The following HSPA4L variants were observed in gnomAD, a reference collection of about 807,000 sequenced individuals.
HSPA4L encodes the protein heat shock 70 kDa protein 4L.
A neutral mutation model predicts 100.3 loss-of-function variants in HSPA4L; 48 were observed. The observed-to-expected ratio is 0.48, with a 90% CI of 0.38 to 0.61. The LOEUF (loss-of-function observed/expected upper bound fraction) is 0.61. Among genes scored for constraint, HSPA4L ranks in the 20% least tolerant of loss-of-function variants. The probability of loss-of-function intolerance (pLI) is 0.00; values close to 1 mark genes in which losing one functional copy is unlikely to be tolerated. For synonymous variants in HSPA4L, 319 were observed against 328.2 expected (o/e 0.97, Z 0.30); for missense variants, 886 against 988.6 (o/e 0.90, Z 1.39).
intron 12 of HSPA4L, among the ~76,000 whole-genome samples, chr4:127,816,540 G>A (rs1733674500): frequency 6.6e-6 from 1 of 152,118 alleles, no homozygotes; most frequent in Admixed American, 6.5e-5. Flanking sequence ...TGACATTTTA[G>A]TGAACAAACC....
chr4:127,795,398 T>C (rs1363579186), intron 2 of HSPA4L, among the ~76,000 whole-genome samples: 1 of 152,154 alleles, frequency 6.6e-6, no homozygotes, highest in Admixed American at 6.5e-5. Context: ...AGATTTCAGA[T>C]TTTTGGATTT....
chr4:127,808,196 A>G (rs1476223439), intron 11 of HSPA4L, 67 bp downstream of exon 11: 1 of 1,326,556 alleles, frequency 7.5e-7, no homozygotes, highest in Non-Finnish European at 1.0e-6. Context: ...TTTAGAATCA[A>G]GGAAACAAAT....
In HSPA4L at chr4:127,801,458, CGTGTGTGTGTGTGTGT is replaced by C. The variant is rs33966471; in HGVS notation, c.529+250_529+265del. On this transcript the variant is annotated intron_variant, in intron 5 of 18. Transcript: ENST00000296464. ...AAAAAATTTGATATATATAAAAATA[CGTGTGTGTGTGTGTGT>C]GTGTGTGTGTGTGTGTGTGTGTGTG... Among the ~76,000 whole-genome samples, 335 of 144,594 alleles carry C rather than the reference CGTGTGTGTGTGTGTGT, an allele frequency of 2.3e-3. 1 individual carries two copies. The highest frequency in any genetic ancestry group is 0.018 in the Middle Eastern group (5 of 282). The allele number at this position is 144,594 out of a possible 152,430, so 94.9% of individuals were successfully genotyped here. A position where few individuals can be genotyped will look rare whatever the true frequency, so the allele number is the denominator to read the frequency against.
At position 127,836,470 on chromosome 4, in the gene HSPA4L, C is replaced by A. The variant is rs1734215856; in HGVS notation, c.*3596C>A. 1 of 151,528 alleles carries A rather than the reference C, an allele frequency of 6.6e-6. No homozygotes were observed. Among genetic ancestry groups the A allele is most frequent in the Non-Finnish European group, 1.5e-5 (1 of 67,944 alleles). 9.4% of individuals were successfully genotyped at this position (151,528 alleles called of 1,614,324 possible). A position where few individuals can be genotyped will look rare whatever the true frequency, so the allele number is the denominator to read the frequency against. Reference sequence around the variant, plus strand: ...CTTATGCTTTTTTGGGGGGGGGTGTCAATTTTTAGTATATTAAGAGCTAAA... The same window carrying A: ...CTTATGCTTTTTTGGGGGGGGGTGTAAATTTTTAGTATATTAAGAGCTAAA... On this transcript the variant is annotated 3_prime_UTR_variant, in exon 19 of 19. Coordinates refer to ENST00000296464, the MANE Select transcript of HSPA4L (RefSeq NM_014278.4).
intron 12 of HSPA4L, among the ~76,000 whole-genome samples, chr4:127,816,857 T>C (rs953371531): frequency 6.6e-6 from 1 of 152,212 alleles, no homozygotes; most frequent in Non-Finnish European, 1.5e-5. Context: ...CTGTGAAAGA[T>C]ATAAATATAT....
chr4:127,788,024 C>T lies in HSPA4L; in HGVS notation c.107+5367C>T, dbSNP rs139942987. 2.3e-3 allele frequency among the ~76,000 whole-genome samples: 343 copies of T among 152,088 alleles called. 2 individuals are homozygous for T. Among genetic ancestry groups the T allele is most frequent in the African/African-American group, 8.0e-3 (331 of 41,512 alleles). ...CCAAAAGAATTTTAACATTGTTACG[C>T]ATTGATATTTGTGTTTGAACCAAGT... On this transcript the variant is annotated intron_variant, in intron 1 of 18. Coordinates refer to ENST00000296464, the MANE Select transcript of HSPA4L (RefSeq NM_014278.4).
At chr4:127,816,059 A>G (rs1245888583) in intron 12 of HSPA4L, among the ~76,000 whole-genome samples, 1 of 152,196 alleles carries the variant, frequency 6.6e-6, no homozygotes, top group Admixed American at 6.5e-5. Context: ...GCAGGAAAAA[A>G]AATGAAATTG....
intron 17 of HSPA4L, among the ~76,000 whole-genome samples, chr4:127,828,060 T>C (rs974000698): frequency 6.6e-6 from 1 of 152,114 alleles, no homozygotes; most frequent in African/African-American, 2.4e-5. Flanking sequence ...AAACAATATT[T>C]TAGGCTTTGT....
chr4:127,811,446 C>G lies in HSPA4L; in HGVS notation c.1388C>G (p.Thr463Ser), dbSNP rs1467525176. ...TTCTTTTTTCCTTAAGGGAGCTTCACTATTCAGAATGTTTTTCCACAGTCT... is the reference window on the plus strand; with the variant it reads ...TTCTTTTTTCCTTAAGGGAGCTTCAGTATTCAGAATGTTTTTCCACAGTCT... The part of the protein sequence containing the change: ...PYPDARIGSF[T>S]IQNVFPQSDG... Residue 463 changes from threonine to serine, a missense_variant, in exon 12 of 19, where the codon ACT becomes AGT. Physicochemically the swap from Thr to Ser is moderately conservative, Grantham distance 58 (BLOSUM62 1). Coordinates refer to ENST00000296464, the MANE Select transcript of HSPA4L (RefSeq NM_014278.4). 6.2e-7 allele frequency: 1 copy of G among 1,613,604 alleles called. No individual in the cohort carries two copies. Among genetic ancestry groups the G allele is most frequent in the African/African-American group, 1.3e-5 (1 of 74,984 alleles).
rs1256359778 is a variant in HSPA4L, at chr4:127,834,808, C to A, written c.*1934C>A. ...AACTTCCTGGGAGTAAATATGGGAACAACTTTTCTATTAATACATCTAAAT... is the reference window on the plus strand; with the variant it reads ...AACTTCCTGGGAGTAAATATGGGAAAAACTTTTCTATTAATACATCTAAAT... On this transcript the variant is annotated 3_prime_UTR_variant, in exon 19 of 19. Coordinates refer to ENST00000296464, the MANE Select transcript of HSPA4L (RefSeq NM_014278.4). The A allele has an allele frequency of 6.6e-6, 1 of 152,126 alleles. No individual in the cohort carries two copies. The highest frequency in any genetic ancestry group is 2.4e-5 in the African/African-American group (1 of 41,434). 9.4% of individuals were successfully genotyped at this position (152,126 alleles called of 1,614,324 possible). A position where few individuals can be genotyped will look rare whatever the true frequency, so the allele number is the denominator to read the frequency against.
At position 127,783,505 on chromosome 4, in the gene HSPA4L, A is replaced by T. The variant is rs567163172; in HGVS notation, c.107+848A>T. 7.5e-6 allele frequency: 11 copies of T among 1,475,742 alleles called. No homozygotes were observed. The East Asian group carries it at 1.5e-4, about 20-fold the overall frequency. The allele number at this position is 1,475,742 out of a possible 1,614,324, so 91.4% of individuals were successfully genotyped here. ...GGCTTAGGAGGAGCGGCGTTATGTC[A>T]TGGAAACATGTTTCCACATGTTCCG... On this transcript the variant is annotated intron_variant, in intron 1 of 18. Coordinates refer to ENST00000296464, the MANE Select transcript of HSPA4L (RefSeq NM_014278.4).
Position 127,833,344 on chromosome 4 carries a change from A to G in HSPA4L, c.*470A>G, listed in dbSNP as rs1272906782. ...TAGTTATTGTATTGCTACAATTTAA[A>G]TATTAAAACAAATAAGAGCTTTCTC... On this transcript the variant is annotated 3_prime_UTR_variant, in exon 19 of 19. Transcript: ENST00000296464. The G allele has an allele frequency of 6.5e-6, 1 of 152,790 alleles. No individual in the cohort carries two copies. The highest frequency in any genetic ancestry group is 1.5e-5 in the Non-Finnish European group (1 of 68,122). The allele number at this position is 152,790 out of a possible 1,614,324, so 9.5% of individuals were successfully genotyped here.
intron 12 of HSPA4L, chr4:127,813,270 T>C (rs1031622299): frequency 2.4e-5 from 18 of 748,092 alleles, no homozygotes; most frequent in Non-Finnish European, 4.1e-5. Context: ...TTTAAGACAG[T>C]TTCTCCCTTT....
rs1231778754 is a variant in HSPA4L, at chr4:127,827,388, A to G, written c.2130A>G (p.Gln710=). Reference sequence around the variant, plus strand: ...TAAATGACTTGGGAAAAAAGATCCAACTTGTCATGAAAGTGATAGAAGCTT... The same window carrying G: ...TAAATGACTTGGGAAAAAAGATCCAGCTTGTCATGAAAGTGATAGAAGCTT... The part of the protein sequence containing the change: ...KALNDLGKKI[Q]LVMKVIEAYR... Residue 710 remains glutamine, a synonymous_variant, in exon 17 of 19, where the codon CAA becomes CAG. Transcript: ENST00000296464. 1.9e-6 allele frequency: 3 copies of G among 1,613,742 alleles called. No individual in the cohort carries two copies. The highest frequency in any genetic ancestry group is 2.2e-5 in the East Asian group (1 of 44,834).
At chr4:127,829,986 GT>G (rs3836726) in intron 17 of HSPA4L, among the ~76,000 whole-genome samples, 1 of 151,652 alleles carries the variant, frequency 6.6e-6, no homozygotes, top group Non-Finnish European at 1.5e-5. Context: ...TTTGTTTGGG[GT>G]TTTTTTTCTT....
intron 1 of HSPA4L, among the ~76,000 whole-genome samples, chr4:127,788,904 A>G (rs148711226): frequency 2.6e-4 from 39 of 152,348 alleles, no homozygotes; most frequent in African/African-American, 8.9e-4. Flanking sequence ...CCTTTGATTT[A>G]AACCTATGGA....
At chr4:127,789,928 C>T (rs1732827300) in intron 1 of HSPA4L, among the ~76,000 whole-genome samples, 1 of 152,142 alleles carries the variant, frequency 6.6e-6, no homozygotes, top group Non-Finnish European at 1.5e-5. Flanking sequence ...ATGATTGTAA[C>T]ATCCTGGAAT....
At chr4:127,801,280 G>A in intron 5 of HSPA4L, 43 bp downstream of exon 5, 1 of 1,327,200 alleles carries the variant, frequency 7.5e-7, no homozygotes, top group South Asian at 1.3e-5. Context: ...GCAAAATACT[G>A]TTCTAGTTTT....
chr4:127,794,221 T>A (rs1732957340), intron 2 of HSPA4L, 87 bp downstream of exon 2: 6 of 1,016,116 alleles, frequency 5.9e-6, no homozygotes, highest in Non-Finnish European at 9.0e-6. Context: ...TTGTTAAGAG[T>A]GAATAAGAGA....
Sources: allele counts gnomAD v4.1 joint callset (sites outside exome capture counted in the v4.1 genomes callset), GRCh38; gene constraint gnomAD v4.1.1; transcripts MANE v1.5; gene names NCBI Gene and HGNC (gene_info 2026-07-23, HGNC 2026-07-21).